The following SLC24A1 variants were observed in gnomAD, a reference collection of about 807,000 sequenced individuals.
SLC24A1 encodes the protein solute carrier family 24 member 1.
SLC24A1 carries 52 observed loss-of-function variants against 88.1 expected under a neutral mutation model. That is an observed-to-expected ratio of 0.59 (90% CI 0.47 to 0.74). The LOEUF (loss-of-function observed/expected upper bound fraction) is 0.74, where lower values mean the gene tolerates loss of function less well. Ranked by LOEUF, SLC24A1 falls within the 30% of genes least tolerant of loss-of-function variation. The pLI is 0.00. For synonymous variants in SLC24A1, 455 were observed against 498.0 expected (o/e 0.91, Z 1.15); for missense variants, 1,173 against 1,363.3 (o/e 0.86, Z 2.20).
chr15:65,652,724 C>A lies in SLC24A1; in HGVS notation c.2966C>A (p.Thr989Asn). 1.2e-6 allele frequency: 2 copies of A among 1,613,854 alleles called. No individual in the cohort carries two copies. Among genetic ancestry groups the A allele is most frequent in the South Asian group, 1.1e-5 (1 of 91,084 alleles). The change falls in exon 9 of 10, where the codon ACC (threonine) becomes AAC (asparagine). Residue 989 changes from threonine to asparagine, a missense_variant. Coordinates refer to ENST00000261892, the MANE Select transcript of SLC24A1 (RefSeq NM_004727.3). ...AAGTSIPDLI[T>N]SVIVARKGLG... The stretch of plus-strand genomic sequence containing the variant: ...GGCACATCAATTCCTGACCTCATCA[C>A]CAGTGTGATTGTCGCTCGAAAAGGC...
At chr15:65,635,192 A>T (rs907309164) in intron 2 of SLC24A1, among the ~76,000 whole-genome samples, 1 of 152,048 alleles carries the variant, frequency 6.6e-6, no homozygotes, top group Non-Finnish European at 1.5e-5. Flanking sequence ...TTGCCTCTAA[A>T]GAGAACTCTT....
chr15:65,646,482 C>T (rs1215347950), intron 6 of SLC24A1, among the ~76,000 whole-genome samples: 1 of 117,418 alleles, frequency 8.5e-6, no homozygotes, highest in Non-Finnish European at 1.7e-5. Context: ...ATGCACCCCA[C>T]CCCCCTCCCC....
upstream of SLC24A1, among the ~76,000 whole-genome samples, chr15:65,620,514 G>T (rs946087288): frequency 6.6e-6 from 1 of 152,068 alleles, no homozygotes; most frequent in African/African-American, 2.4e-5. Flanking sequence ...AAACTCACAT[G>T]GCTAGTACAG....
chr15:65,631,537 C>G (rs539228118), intron 2 of SLC24A1, among the ~76,000 whole-genome samples: 2 of 152,226 alleles, frequency 1.3e-5, no homozygotes, highest in East Asian at 3.9e-4. Context: ...AGGGAAACCA[C>G]CCCATAGCCA....
intron 4 of SLC24A1, 47 bp downstream of exon 4, chr15:65,639,750 T>G: frequency 8.3e-7 from 1 of 1,210,172 alleles, no homozygotes; most frequent in Non-Finnish European, 1.2e-6. Context: ...CATCCACTCC[T>G]TCCCTCCTGC....
At chr15:65,622,768 G>C (rs775064123) in intron 1 of SLC24A1, among the ~76,000 whole-genome samples, 12 of 149,596 alleles carry the variant, frequency 8.0e-5, no homozygotes, top group Non-Finnish European at 1.5e-4. Context: ...TTGAGACAGA[G>C]TCTTGCTCTG....
At position 65,646,572 on chromosome 15, in the gene SLC24A1, C is replaced by T. The variant is rs144325084; in HGVS notation, c.2232+869C>T. Among the ~76,000 whole-genome samples, 15 of 150,712 alleles carry T rather than the reference C, an allele frequency of 1.0e-4. No homozygotes were observed. The East Asian group carries it at 3.0e-3, about 30-fold the overall frequency. On this transcript the variant is annotated intron_variant, in intron 6 of 9. Coordinates refer to ENST00000261892, the MANE Select transcript of SLC24A1 (RefSeq NM_004727.3). ...ATCTGAATGCCCCTGGTGCTCTGCA[C>T]CTATCCCAGGGCTTTTACCAACTGT...
chr15:65,639,171 C>A (rs2075038903), intron 3 of SLC24A1, among the ~76,000 whole-genome samples: 1 of 152,086 alleles, frequency 6.6e-6, no homozygotes, highest in Admixed American at 6.6e-5. Flanking sequence ...CTTTGCTTGT[C>A]TCTGGGAGTG....
At chr15:65,659,325 T>TTG (rs2075780115), downstream of SLC24A1, 1 of 82,782 alleles carries the variant, frequency 1.2e-5, no homozygotes, top group Non-Finnish European at 2.3e-5. Flanking sequence ...TTTTCTGGTT[T>TTG]TTTTTTTTTT....
intron 2 of SLC24A1, among the ~76,000 whole-genome samples, chr15:65,627,284 C>CT (rs1236996036): frequency 6.6e-6 from 1 of 152,224 alleles, no homozygotes; most frequent in Non-Finnish European, 1.5e-5. Flanking sequence ...CAACTAATCA[C>CT]TGAAAGGTCC....
At chr15:65,628,249 A>G (rs2074585721) in intron 2 of SLC24A1, among the ~76,000 whole-genome samples, 1 of 152,098 alleles carries the variant, frequency 6.6e-6, no homozygotes, top group African/African-American at 2.4e-5. Context: ...ATGAACCACC[A>G]CACCTGGCCC....
rs775990720 is a variant in SLC24A1, at chr15:65,650,766, G to C, written c.2617G>C (p.Glu873Gln). The C allele has an allele frequency of 1.9e-6, 3 of 1,610,160 alleles. No homozygotes were observed. Among genetic ancestry groups the C allele is most frequent in the East Asian group, 4.5e-5 (2 of 44,742 alleles). ...GGAGGAGGAAGAGCAGGAGGAAGAGGAGGAGGAGGAAGAGCAGGAGGAAGA... is the reference window on the plus strand; with the variant it reads ...GGAGGAGGAAGAGCAGGAGGAAGAGCAGGAGGAGGAAGAGCAGGAGGAAGA... ...EEEEEEQEEE[E>Q]EEEEQEEEEE... Residue 873 changes from glutamate to glutamine, a missense_variant, in exon 7 of 10, where the codon GAG becomes CAG. Glu to Gln is a conservative substitution (Grantham distance 29). Coordinates refer to ENST00000261892, the MANE Select transcript of SLC24A1 (RefSeq NM_004727.3). The surrounding 1 kb of genome is among the most constrained non-coding windows in gnomAD (Gnocchi z 4.1).
rs1490773079 is a variant in SLC24A1 at position 65,624,019 on chromosome 15, A to G, written c.-62A>G. On this transcript the variant is annotated 5_prime_UTR_variant, in exon 2 of 10. Transcript: ENST00000261892. ...TTCTCTGATCACCAACCTGAATCCC[A>G]GAGTAGCCTCCATCTTAGGACAGAA... The G allele has an allele frequency of 9.8e-6, 14 of 1,433,214 alleles. No individual in the cohort carries two copies. The highest frequency in any genetic ancestry group is 1.0e-5 in the Non-Finnish European group (11 of 1,061,126). 88.8% of individuals were successfully genotyped at this position (1,433,214 alleles called of 1,614,324 possible).
chr15:65,647,179 TAAAAGA>T (rs1225870923), intron 6 of SLC24A1, among the ~76,000 whole-genome samples: 3 of 152,110 alleles, frequency 2.0e-5, no homozygotes, highest in African/African-American at 7.2e-5. Flanking sequence ...TTTCCAGTCT[TAAAAGA>T]GAGAGAATCG....
At chr15:65,660,312 T>C, downstream of SLC24A1, 2 of 1,535,008 alleles carry the variant, frequency 1.3e-6, no homozygotes, top group Non-Finnish European at 1.7e-6. Context: ...AGCATGGTGC[T>C]ATTCACTAAT....
At position 65,625,529 on chromosome 15, in the gene SLC24A1, C is replaced by T. The variant is rs749542723; in HGVS notation, c.1449C>T (p.Val483=). Residue 483 remains valine, a synonymous_variant, in exon 2 of 10, where the codon GTC becomes GTT. Coordinates refer to ENST00000261892, the MANE Select transcript of SLC24A1 (RefSeq NM_004727.3). ...AGTACTTCGTTCCAGCCCTGGGTGT[C>T]ATCACAGACAAGCTGCAGATCTCCG... ...CDEYFVPALG[V]ITDKLQISED... 1 of 1,614,028 alleles carries T rather than the reference C, an allele frequency of 6.2e-7. No homozygotes were observed. Among genetic ancestry groups the T allele is most frequent in the Non-Finnish European group, 8.5e-7 (1 of 1,179,904 alleles).
At chr15:65,648,664 A>AT (rs2075391538) in intron 6 of SLC24A1, among the ~76,000 whole-genome samples, 4 of 150,702 alleles carry the variant, frequency 2.7e-5, no homozygotes, top group Admixed American at 2.6e-4. Flanking sequence ...GCTAATTTTT[A>AT]TTTATTTATT....
At position 65,654,269 on chromosome 15, in the gene SLC24A1, G is replaced by C. The variant is rs1211554878; in HGVS notation, c.*190G>C. The C allele has an allele frequency of 1.4e-6, 2 of 1,397,116 alleles. No individual in the cohort carries two copies. The highest frequency in any genetic ancestry group is 2.9e-5 in the African/African-American group (2 of 69,142). The allele number at this position is 1,397,116 out of a possible 1,614,324, so 86.5% of individuals were successfully genotyped here. A position where few individuals can be genotyped will look rare whatever the true frequency, so the allele number is the denominator to read the frequency against. ...ACACCTGCAGCTCATTGTGGATTAA[G>C]AACCTCACCCCTGGAGGGGTGGAGT... On this transcript the variant is annotated 3_prime_UTR_variant, in exon 10 of 10. Coordinates refer to ENST00000261892, the MANE Select transcript of SLC24A1 (RefSeq NM_004727.3).
chr15:65,654,332 G>A lies in SLC24A1; in HGVS notation c.*253G>A. On this transcript the variant is annotated 3_prime_UTR_variant, in exon 10 of 10. Transcript: ENST00000261892. ...CTCATGCAGACATCTATTACATGGAGGCAGTAGAAGGACCCCTGGAGCCAG... is the reference window on the plus strand; with the variant it reads ...CTCATGCAGACATCTATTACATGGAAGCAGTAGAAGGACCCCTGGAGCCAG... 3.9e-6 allele frequency: 5 copies of A among 1,282,194 alleles called. No individual in the cohort carries two copies. The highest frequency in any genetic ancestry group is 4.9e-6 in the Non-Finnish European group (5 of 1,014,338). The allele number at this position is 1,282,194 out of a possible 1,614,324, so 79.4% of individuals were successfully genotyped here. A position where few individuals can be genotyped will look rare whatever the true frequency, so the allele number is the denominator to read the frequency against.
Sources: allele counts gnomAD v4.1 joint callset (sites outside exome capture counted in the v4.1 genomes callset), GRCh38; gene constraint gnomAD v4.1.1; non-coding constraint Gnocchi (gnomAD v3.1); transcripts MANE v1.5; gene names NCBI Gene and HGNC (gene_info 2026-07-23, HGNC 2026-07-21).